Variants in SKIC3 observed in about 807,000 individuals in gnomAD.
SKIC3 encodes SKI3 subunit of superkiller complex.
chr5:95,467,168 A>C, the SKIC3 span, among the ~76,000 whole-genome samples: 1 of 152,138 alleles, frequency 6.6e-6, no homozygotes, highest in South Asian at 2.1e-4. Flanking sequence ...TGATGTTCTC[A>C]TTGGTTCAAA....
chr5:95,506,862 T>C, the SKIC3 span: 2 of 1,442,096 alleles, frequency 1.4e-6, no homozygotes, highest in African/African-American at 2.8e-5. Flanking sequence ...AGTCAGCATA[T>C]CAGCAGTCCC....
chr5:95,526,514 C>A, the SKIC3 span, among the ~76,000 whole-genome samples: 1 of 151,718 alleles, frequency 6.6e-6, no homozygotes, highest in Non-Finnish European at 1.5e-5. Flanking sequence ...CGCTTCGATG[C>A]CCAGGCTAGA....
At chr5:95,500,698 C>T in the SKIC3 span, among the ~76,000 whole-genome samples, 1 of 152,120 alleles carries the variant, frequency 6.6e-6, no homozygotes, top group South Asian at 2.1e-4. Flanking sequence ...TGCAATCTAA[C>T]ATCCGTTAAT....
At chr5:95,466,463 A>T in the SKIC3 span, among the ~76,000 whole-genome samples, 1 of 152,204 alleles carries the variant, frequency 6.6e-6, no homozygotes, top group African/African-American at 2.4e-5. Context: ...ATAGGACAGT[A>T]CCCACCCTCA....
chr5:95,464,539 G>C, the SKIC3 span: 2 of 1,193,078 alleles, frequency 1.7e-6, no homozygotes, highest in Non-Finnish European at 2.5e-6. Flanking sequence ...GCTTTGGGTA[G>C]AAGTCTTGAT....
At chr5:95,512,510 G>A in the SKIC3 span, 1 of 1,613,908 alleles carries the variant, frequency 6.2e-7, no homozygotes, top group Non-Finnish European at 8.5e-7. Context: ...TGTGCTGCTG[G>A]AATAGCATTC....
chr5:95,498,499 A>C, the SKIC3 span: 5 of 1,614,250 alleles, frequency 3.1e-6, no homozygotes, highest in Non-Finnish European at 4.2e-6. Context: ...TAACTCATTA[A>C]GTGCTGCTTT....
the SKIC3 span, chr5:95,468,064 A>G: frequency 6.4e-7 from 1 of 1,563,734 alleles, no homozygotes; most frequent in Non-Finnish European, 8.7e-7. Context: ...AATCTCACAC[A>G]CACATTATCT....
the SKIC3 span, among the ~76,000 whole-genome samples, chr5:95,495,952 GGAA>G: frequency 6.6e-6 from 1 of 151,282 alleles, no homozygotes; most frequent in Admixed American, 6.6e-5. Flanking sequence ...AGGGAAAACT[GGAA>G]TTCAGAGAGA....
the SKIC3 span, among the ~76,000 whole-genome samples, chr5:95,476,574 T>C: frequency 2.0e-5 from 3 of 152,220 alleles, no homozygotes; most frequent in Non-Finnish European, 2.9e-5. Context: ...ATTGGATTGA[T>C]AGCACTTTAA....
the SKIC3 span, among the ~76,000 whole-genome samples, chr5:95,473,975 C>A: frequency 1.3e-5 from 2 of 152,162 alleles, no homozygotes; most frequent in Non-Finnish European, 2.9e-5. Context: ...CCAAAAAATT[C>A]TTTGCCAAGG....
the SKIC3 span, among the ~76,000 whole-genome samples, chr5:95,547,813 A>G: frequency 6.6e-6 from 1 of 152,144 alleles, no homozygotes; most frequent in Admixed American, 6.6e-5. Flanking sequence ...TGACTGTGAT[A>G]TGAAAGTTTA....
the SKIC3 span, among the ~76,000 whole-genome samples, chr5:95,530,695 A>G: frequency 6.6e-6 from 1 of 152,192 alleles, no homozygotes; most frequent in Admixed American, 6.5e-5. Flanking sequence ...GACACTGCAC[A>G]AAGACTTAGT....
At chr5:95,516,693 C>T in the SKIC3 span, 9 of 1,613,166 alleles carry the variant, frequency 5.6e-6, no homozygotes, top group Non-Finnish European at 5.9e-6. Context: ...GCAACCACAC[C>T]AAGAGCATTC....
the SKIC3 span, among the ~76,000 whole-genome samples, chr5:95,517,692 G>T: frequency 6.6e-6 from 1 of 152,096 alleles, no homozygotes; most frequent in Admixed American, 6.5e-5. Flanking sequence ...AGTAAAGTTT[G>T]TAACTCTCTT....
At chr5:95,482,889 C>G in the SKIC3 span, among the ~76,000 whole-genome samples, 5 of 152,070 alleles carry the variant, frequency 3.3e-5, no homozygotes, top group Non-Finnish European at 5.9e-5. Context: ...TTAGTTTACT[C>G]TTAAGTGATA....
the SKIC3 span, chr5:95,541,733 G>A: frequency 4.0e-6 from 4 of 1,003,848 alleles, no homozygotes; most frequent in Non-Finnish European, 6.0e-6. Flanking sequence ...AGTAAATGCT[G>A]GAATACTTCT....
At chr5:95,516,426 T>C in the SKIC3 span, 3 of 1,612,884 alleles carry the variant, frequency 1.9e-6, no homozygotes, top group South Asian at 1.1e-5. Flanking sequence ...AACATAACAT[T>C]TTTTTTCTTA....
chr5:95,475,160 G>A, the SKIC3 span, among the ~76,000 whole-genome samples: 2 of 152,168 alleles, frequency 1.3e-5, no homozygotes, highest in African/African-American at 4.8e-5. Flanking sequence ...TACATTTGGA[G>A]GTACAGGGAC....
Sources: gnomAD v4.1 joint callset for allele counts (sites outside exome capture counted in the v4.1 genomes callset) on GRCh38, gnomAD v4.1.1 for gene constraint, MANE v1.5 for transcripts, NCBI Gene and HGNC (gene_info 2026-07-23, HGNC 2026-07-21) for gene names.